Variants in LHFPL2 observed in about 807,000 individuals in gnomAD.
The protein encoded by LHFPL2 is LHFPL tetraspan subfamily member 2.
In LHFPL2, 7 loss-of-function variants were observed where a neutral mutation model predicts 17.5. That is an observed-to-expected ratio of 0.40 (90% CI 0.23 to 0.75). The LOEUF (loss-of-function observed/expected upper bound fraction) is 0.75, where lower values mean the gene tolerates loss of function less well. LHFPL2 is among the 30% of genes least tolerant of loss of function. The pLI is 0.37. For missense variants in LHFPL2, 241 were observed against 294.8 expected, an observed-to-expected ratio of 0.82 and a Z score of 1.34; for synonymous variants, 134 against 116.2, an observed-to-expected ratio of 1.15 and a Z score of -0.99.
At chr5:78,595,223 AC>A (rs1260853930) in intron 2 of LHFPL2, among the ~76,000 whole-genome samples, 1 of 152,216 alleles carries the variant, frequency 6.6e-6, no homozygotes, top group Non-Finnish European at 1.5e-5. Context: ...CTTCCTGGAG[AC>A]AGACTATATT....
At chr5:78,586,314 C>G (rs1743397014) in intron 2 of LHFPL2, among the ~76,000 whole-genome samples, 1 of 152,248 alleles carries the variant, frequency 6.6e-6, no homozygotes. Flanking sequence ...AAACAGGACA[C>G]ACGTACTGCC....
At chr5:78,627,788 T>C (rs902900089) in intron 2 of LHFPL2, among the ~76,000 whole-genome samples, 3 of 152,216 alleles carry the variant, frequency 2.0e-5, no homozygotes, top group Non-Finnish European at 4.4e-5. Flanking sequence ...AACTCTACCA[T>C]GTGCTTTGAC....
At chr5:78,617,645 C>T (rs1223703935) in intron 2 of LHFPL2, among the ~76,000 whole-genome samples, 1 of 152,090 alleles carries the variant, frequency 6.6e-6, no homozygotes, top group Non-Finnish European at 1.5e-5. Context: ...CTGCAAAGCT[C>T]TTTCAAGCTG....
chr5:78,581,318 C>G (rs1453465306), intron 2 of LHFPL2, among the ~76,000 whole-genome samples: 2 of 152,196 alleles, frequency 1.3e-5, no homozygotes, highest in Non-Finnish European at 2.9e-5. Context: ...GCCAGAACTT[C>G]CAACACTATA....
intron 3 of LHFPL2, among the ~76,000 whole-genome samples, chr5:78,539,998 A>G (rs1756061264): frequency 6.6e-6 from 1 of 152,142 alleles, no homozygotes; most frequent in South Asian, 2.1e-4. Flanking sequence ...AGGCTGTATG[A>G]GTCTCTACAA....
At chr5:78,513,431 C>A (rs775285621) in intron 3 of LHFPL2, among the ~76,000 whole-genome samples, 12 of 152,162 alleles carry the variant, frequency 7.9e-5, no homozygotes, top group South Asian at 2.1e-4. Context: ...GGGCTTCATT[C>A]TTCTGTTTTC....
Position 78,642,353 on chromosome 5 carries a change from A to G in LHFPL2, c.-350+6146T>C, listed in dbSNP as rs1212897267. Among the ~76,000 whole-genome samples, 4 of 152,188 alleles carry G rather than the reference A, an allele frequency of 2.6e-5. No homozygotes were observed. In the East Asian group the frequency reaches 7.7e-4, roughly 29 times the overall value. ...ATCAATTTTGTCAGTTACACATCCT[A>G]GCTATCAAACACATTCACAACCATT... On this transcript the variant is annotated intron_variant, in intron 1 of 4. Transcript: ENST00000380345.
At chr5:78,509,023 G>A (rs772649525) in intron 4 of LHFPL2, among the ~76,000 whole-genome samples, 6 of 152,198 alleles carry the variant, frequency 3.9e-5, no homozygotes, top group African/African-American at 1.4e-4. Context: ...GGAAGCCTAC[G>A]AAAATACTGG....
chr5:78,547,581 G>A lies in LHFPL2; in HGVS notation c.-186+17232C>T, dbSNP rs185924360. Among the ~76,000 whole-genome samples the A allele has an allele frequency of 1.4e-3, 217 of 152,306 alleles. 2 individuals carry two copies. The highest frequency in any genetic ancestry group is 2.5e-4 in the Non-Finnish European group (17 of 68,036). ...TTTTAAAATAATTTGCAATGAAAATGCCTTTCTCATGGTGGAATACACAGT... is the reference window on the plus strand; with the variant it reads ...TTTTAAAATAATTTGCAATGAAAATACCTTTCTCATGGTGGAATACACAGT... On this transcript the variant is annotated intron_variant, in intron 3 of 4. Transcript: ENST00000380345.
intron 3 of LHFPL2, among the ~76,000 whole-genome samples, chr5:78,532,823 C>T (rs954504297): frequency 1.3e-5 from 2 of 152,076 alleles, no homozygotes; most frequent in African/African-American, 4.8e-5. Flanking sequence ...GATCATTTCA[C>T]TTGCCTTTCA....
chr5:78,640,972 G>A (rs1223528549), intron 1 of LHFPL2, among the ~76,000 whole-genome samples: 1 of 152,146 alleles, frequency 6.6e-6, no homozygotes, highest in East Asian at 1.9e-4. Context: ...CAAAAAAGAA[G>A]GTAGATAAAC....
chr5:78,547,489 T>C (rs1007574630), intron 3 of LHFPL2, among the ~76,000 whole-genome samples: 1 of 152,206 alleles, frequency 6.6e-6, no homozygotes, highest in Non-Finnish European at 1.5e-5. Context: ...CATTTACACT[T>C]CTTTATACTC....
chr5:78,493,764 A>G (rs372820577), intron 4 of LHFPL2, among the ~76,000 whole-genome samples: 17 of 152,344 alleles, frequency 1.1e-4, no homozygotes, highest in African/African-American at 3.6e-4. Flanking sequence ...TTTAAAAGCA[A>G]TCTTGTGCCC....
intron 1 of LHFPL2, among the ~76,000 whole-genome samples, chr5:78,647,841 C>T (rs1345372233): frequency 6.6e-6 from 1 of 151,934 alleles, no homozygotes; most frequent in South Asian, 2.1e-4. Context: ...AAAAAAAAAA[C>T]TGTGTGCCTA....
chr5:78,608,872 C>A (rs1744317480), intron 2 of LHFPL2, among the ~76,000 whole-genome samples: 1 of 148,610 alleles, frequency 6.7e-6, no homozygotes, highest in African/African-American at 2.5e-5. Flanking sequence ...GTGGAGCTTG[C>A]AGTGAGCCAA....
chr5:78,589,849 T>A (rs1743564366), intron 2 of LHFPL2, among the ~76,000 whole-genome samples: 1 of 152,164 alleles, frequency 6.6e-6, no homozygotes, highest in African/African-American at 2.4e-5. Flanking sequence ...ACTGAATAAA[T>A]GCATGAATGG....
At chr5:78,540,994 C>T (rs192340720) in intron 3 of LHFPL2, among the ~76,000 whole-genome samples, 5 of 152,238 alleles carry the variant, frequency 3.3e-5, no homozygotes, top group East Asian at 1.9e-4. Context: ...ATTATGGAAG[C>T]GTTTTAAGCA....
chr5:78,518,561 C>T (rs1389801753), intron 3 of LHFPL2, among the ~76,000 whole-genome samples: 4 of 152,188 alleles, frequency 2.6e-5, no homozygotes, highest in African/African-American at 4.8e-5. Flanking sequence ...GAGCTCCACG[C>T]GCAGCTGCCA....
chr5:78,576,589 CAGG>C lies in LHFPL2; in HGVS notation c.-244-11721_-244-11719del, dbSNP rs541424178. ...AGGCGTCTGAACTGGATACAATTTG[CAGG>C]AGAAGAGAAGGCCCCAGGGACACTG... On this transcript the variant is annotated intron_variant, in intron 2 of 4. Transcript: ENST00000380345. 2.9e-3 allele frequency among the ~76,000 whole-genome samples: 440 copies of C among 152,272 alleles called. 1 individual carries two copies. Among genetic ancestry groups the C allele is most frequent in the Non-Finnish European group, 5.1e-3 (346 of 68,032 alleles).
Sources: allele counts gnomAD v4.1 joint callset (sites outside exome capture counted in the v4.1 genomes callset), GRCh38; gene constraint gnomAD v4.1.1; transcripts MANE v1.5; gene names NCBI Gene and HGNC (gene_info 2026-07-23, HGNC 2026-07-21).